The following PLCB1 variants were observed in gnomAD, a reference collection of about 807,000 sequenced individuals.
PLCB1 encodes 1-phosphatidylinositol 4,5-bisphosphate phosphodiesterase beta-1.
Under a neutral mutation model 161.8 loss-of-function variants are expected in PLCB1, and 46 were observed. That is an observed-to-expected ratio of 0.28 (90% CI 0.22 to 0.36). The LOEUF (loss-of-function observed/expected upper bound fraction) is 0.36. Ranked by LOEUF, PLCB1 falls within the 10% of genes least tolerant of loss-of-function variation. PLCB1 has a pLI of 1.00. For missense variants in PLCB1, 1,016 were observed against 1,472.5 expected, an observed-to-expected ratio of 0.69 and a Z score of 5.07; for synonymous variants, 517 against 503.7, an observed-to-expected ratio of 1.03 and a Z score of -0.35.
At chr20:8,695,165 A>C (rs530506294) in intron 10 of PLCB1, among the ~76,000 whole-genome samples, 2 of 152,214 alleles carry the variant, frequency 1.3e-5, no homozygotes, top group Non-Finnish European at 2.9e-5. Flanking sequence ...GAGAAAAGTT[A>C]TTATGCAGAC....
chr20:8,858,171 A>G (rs964356038), intron 31 of PLCB1, among the ~76,000 whole-genome samples: 5 of 152,264 alleles, frequency 3.3e-5, no homozygotes, highest in African/African-American at 4.8e-5. Context: ...AAATAGATTA[A>G]AGGTTTAGCA....
chr20:8,722,266 A>G (rs925171121), intron 14 of PLCB1, 88 bp from the exon 15 acceptor site: 2 of 978,482 alleles, frequency 2.0e-6, no homozygotes, highest in African/African-American at 1.7e-5. Flanking sequence ...GAAATCTGTA[A>G]TTGATTTTAG....
In PLCB1 at chr20:8,760,438, T is replaced by A; in HGVS notation, c.2688T>A (p.Asp896Glu). ...TAAAGGCACCTGCCAAAACAGAAGA[T>A]CTTATTCAGAGTGTCTTAACAGGTA... ...GSVKAPAKTE[D>E]LIQSVLTEVE... Residue 896 changes from aspartate (D) to glutamate (E), a missense_variant, in exon 25 of 32, where the codon GAT becomes GAA. Asp to Glu is a conservative substitution (Grantham distance 45). Coordinates refer to ENST00000338037, the MANE Select transcript of PLCB1 (RefSeq NM_015192.4). 6.2e-7 allele frequency: 1 copy of A among 1,611,374 alleles called. No individual in the cohort carries two copies.
At chr20:8,799,620 C>T (rs1984192047) in intron 31 of PLCB1, among the ~76,000 whole-genome samples, 1 of 152,064 alleles carries the variant, frequency 6.6e-6, no homozygotes, top group African/African-American at 2.4e-5. Flanking sequence ...TAATTGTTTT[C>T]TAGAAACCAA....
chr20:8,819,335 C>T (rs79754556), intron 31 of PLCB1, among the ~76,000 whole-genome samples: 9,267 of 152,118 alleles, frequency 0.061, 757 homozygotes, highest in African/African-American at 0.19. Flanking sequence ...AAATTGGATT[C>T]CTACCTCACC....
chr20:8,849,609 G>A (rs970377627), intron 31 of PLCB1, among the ~76,000 whole-genome samples: 2 of 152,044 alleles, frequency 1.3e-5, no homozygotes, highest in African/African-American at 4.8e-5. Flanking sequence ...CTAGGAGGTG[G>A]AGGTTGCGTT....
chr20:8,770,612 A>C (rs2146199137), intron 26 of PLCB1, among the ~76,000 whole-genome samples: 1 of 152,324 alleles, frequency 6.6e-6, no homozygotes, highest in East Asian at 1.9e-4. Context: ...AACCTATGCA[A>C]GATGAACACT....
At chr20:8,291,041 GAA>G (rs201744273) in intron 2 of PLCB1, among the ~76,000 whole-genome samples, 7 of 120,622 alleles carry the variant, frequency 5.8e-5, no homozygotes, top group Non-Finnish European at 8.9e-5. Context: ...ATCTTTTTGT[GAA>G]AAAAAAAAAA....
chr20:8,157,791 G>T (rs2051576889), intron 2 of PLCB1, among the ~76,000 whole-genome samples: 1 of 152,096 alleles, frequency 6.6e-6, no homozygotes, highest in South Asian at 2.1e-4. Context: ...ATTTTGAGAT[G>T]GTTTCATTGC....
intron 31 of PLCB1, among the ~76,000 whole-genome samples, chr20:8,793,989 G>A (rs6118324): frequency 0.016 from 2,412 of 152,292 alleles, 73 homozygotes; most frequent in African/African-American, 0.054. Flanking sequence ...AAAGAATTCA[G>A]CGATATTTCT....
intron 2 of PLCB1, among the ~76,000 whole-genome samples, chr20:8,212,475 T>A (rs1398175077): frequency 6.6e-6 from 1 of 151,804 alleles, no homozygotes; most frequent in African/African-American, 2.4e-5. Context: ...CTCTTTCTGC[T>A]CTGTGACCTT....
intron 3 of PLCB1, among the ~76,000 whole-genome samples, chr20:8,543,044 C>G (rs1274710491): frequency 6.6e-6 from 1 of 152,144 alleles, no homozygotes; most frequent in Non-Finnish European, 1.5e-5. Context: ...GATAAATGCT[C>G]TAGCACCTTG....
rs1282248491 is a variant in PLCB1, at chr20:8,733,132, G to A, written c.1889-106G>A. 5.3e-6 allele frequency: 6 copies of A among 1,130,606 alleles called. No individual in the cohort carries two copies. In the Admixed American group the frequency reaches 5.6e-5, roughly 11 times the overall value. 70.0% of individuals were successfully genotyped at this position (1,130,606 alleles called of 1,614,324 possible). A position where few individuals can be genotyped will look rare whatever the true frequency, so the allele number is the denominator to read the frequency against. The stretch of plus-strand genomic sequence containing the variant: ...TTTCTACAATGACTCTCTTCCAAGG[G>A]AATACAGTCACAAAAGTGGACTGGG... On this transcript the variant is annotated intron_variant, in intron 18 of 31. Coordinates refer to ENST00000338037, the MANE Select transcript of PLCB1 (RefSeq NM_015192.4).
chr20:8,789,715 G>A (rs1600329284), intron 30 of PLCB1, 140 bp downstream of exon 30: 3 of 654,898 alleles, frequency 4.6e-6, no homozygotes, highest in East Asian at 5.2e-5. Context: ...TTCACAGGGT[G>A]GGCACTCCTT....
intron 3 of PLCB1, among the ~76,000 whole-genome samples, chr20:8,429,411 T>C (rs1979934626): frequency 6.7e-6 from 1 of 149,878 alleles, no homozygotes; most frequent in Non-Finnish European, 1.5e-5. Context: ...TTGTTGTCTA[T>C]TGTGTTTTTT....
chr20:8,212,930 T>C (rs74769783), intron 2 of PLCB1, among the ~76,000 whole-genome samples: 3,121 of 152,250 alleles, frequency 0.02, 83 homozygotes, highest in African/African-American at 0.068. Context: ...TAGATTTTTT[T>C]TTTCTTTGCA....
chr20:8,409,384 A>G (rs1357061872), intron 3 of PLCB1, among the ~76,000 whole-genome samples: 1 of 152,136 alleles, frequency 6.6e-6, no homozygotes, highest in Non-Finnish European at 1.5e-5. Context: ...ATTTTCTTGA[A>G]TGAAATTTGA....
chr20:8,343,577 G>T (rs1985890997), intron 2 of PLCB1, among the ~76,000 whole-genome samples: 1 of 152,010 alleles, frequency 6.6e-6, no homozygotes, highest in Non-Finnish European at 1.5e-5. Flanking sequence ...TAATTACTTT[G>T]TACATGTTTT....
chr20:8,716,223 A>G (rs1263774856), intron 12 of PLCB1, 41 bp from the exon 13 acceptor site: 2 of 1,457,504 alleles, frequency 1.4e-6, no homozygotes. Context: ...TCTTTGGATA[A>G]GCCTCCCTAC....
Sources: allele counts gnomAD v4.1 joint callset (sites outside exome capture counted in the v4.1 genomes callset), GRCh38; gene constraint gnomAD v4.1.1; transcripts MANE v1.5; gene names NCBI Gene and HGNC (gene_info 2026-07-23, HGNC 2026-07-21).